Variants in LRRN2 observed in about 807,000 individuals in gnomAD.
LRRN2 encodes leucine-rich repeat neuronal protein 2.
A neutral mutation model predicts 35.7 loss-of-function variants in LRRN2; 10 were observed. That is an observed-to-expected ratio of 0.28 (90% CI 0.17 to 0.47). LRRN2 has a LOEUF of 0.47. LRRN2 is among the 20% of genes least tolerant of loss of function. LRRN2 has a pLI of 0.99. For synonymous variants in LRRN2, 391 were observed against 409.6 expected, an observed-to-expected ratio of 0.95 and a Z score of 0.55; for missense variants, 731 against 940.3, an observed-to-expected ratio of 0.78 and a Z score of 2.91.
At chr1:204,624,652 C>T (rs1041875644) in intron 1 of LRRN2, among the ~76,000 whole-genome samples, 1 of 152,162 alleles carries the variant, frequency 6.6e-6, no homozygotes, top group Non-Finnish European at 1.5e-5. Flanking sequence ...GCTTCTCAGG[C>T]CCCCGGCCCC....
intron 1 of LRRN2, among the ~76,000 whole-genome samples, chr1:204,656,628 C>T (rs1411773210): frequency 6.6e-6 from 1 of 152,192 alleles, no homozygotes; most frequent in African/African-American, 2.4e-5. Context: ...ATTGAGCCTC[C>T]ATATCTGACA....
intron 1 of LRRN2, among the ~76,000 whole-genome samples, chr1:204,670,545 G>A (rs12139404): frequency 0.016 from 2,420 of 152,210 alleles, 35 homozygotes; most frequent in Non-Finnish European, 0.023. Flanking sequence ...AACGGAAGCC[G>A]TTCGTGTGGC....
At chr1:204,622,431 T>C (rs1044684828) in intron 1 of LRRN2, among the ~76,000 whole-genome samples, 1 of 152,168 alleles carries the variant, frequency 6.6e-6, no homozygotes, top group Admixed American at 6.5e-5. Flanking sequence ...CTTCCCACTT[T>C]CCTCTGCAGC....
Position 204,617,870 on chromosome 1 carries a change from G to T in LRRN2, c.2123C>A (p.Pro708Gln). The T allele has an allele frequency of 6.2e-7, 1 of 1,614,044 alleles. No individual in the cohort carries two copies. The highest frequency in any genetic ancestry group is 1.1e-5 in the South Asian group (1 of 91,076). The change falls in exon 2 of 2, where the codon CCA becomes CAA. Residue 708 changes from proline to glutamine, a missense_variant. Pro to Gln is a moderately conservative substitution (Grantham distance 76). Transcript: ENST00000367177. ...TGAGCTTCAAGAATTTTGAGACAATGGTGGCAACAGTGTCTCCCCTTCTGA... is the reference window on the plus strand; with the variant it reads ...TGAGCTTCAAGAATTTTGAGACAATTGTGGCAACAGTGTCTCCCCTTCTGA... Reference protein sequence around the residue: ...RSSEGETLLPPLSQNS With the variant: ...RSSEGETLLPQLSQNS
Position 204,619,789 on chromosome 1 carries a change from G to C in LRRN2, c.204C>G (p.Pro68=). 1 of 1,614,174 alleles carries C rather than the reference G, an allele frequency of 6.2e-7. No individual in the cohort carries two copies. The highest frequency in any genetic ancestry group is 8.5e-7 in the Non-Finnish European group (1 of 1,180,016). Residue 68 remains proline (P), a synonymous_variant, in exon 2 of 2, where the codon CCC becomes CCG. Transcript: ENST00000367177. ...LFLTAVPPAL[P]AGTQTLLLQS... ...GCAGGAGCAGGGTCTGTGTGCCTGC[G>C]GGGAGTGCCGGGGGGACTGCCGTCA...
intron 1 of LRRN2, among the ~76,000 whole-genome samples, chr1:204,654,186 C>T (rs776956188): frequency 1.7e-4 from 26 of 152,148 alleles, no homozygotes; most frequent in Non-Finnish European, 2.9e-4. Context: ...CTTGTAAGTA[C>T]ATGATATACT....
At chr1:204,631,261 T>TA (rs1294658657) in intron 1 of LRRN2, among the ~76,000 whole-genome samples, 973 of 37,276 alleles carry the variant, frequency 0.026, 176 homozygotes, top group Non-Finnish European at 0.034. Flanking sequence ...GTGTTCTATA[T>TA]ATATATATAT....
intron 1 of LRRN2, chr1:204,628,733 C>G (rs78607420): frequency 6.6e-6 from 1 of 152,148 alleles, no homozygotes; most frequent in Non-Finnish European, 1.5e-5. Context: ...AGTCTCCAAC[C>G]GGGGTCCTAG....
intron 1 of LRRN2, among the ~76,000 whole-genome samples, chr1:204,650,580 A>C (rs1668200649): frequency 6.6e-6 from 1 of 152,074 alleles, no homozygotes; most frequent in African/African-American, 2.4e-5. Flanking sequence ...GGCATCCAGG[A>C]GGGGTTGCTT....
intron 1 of LRRN2, among the ~76,000 whole-genome samples, chr1:204,648,167 G>C (rs758849558): frequency 6.6e-6 from 1 of 152,214 alleles, no homozygotes; most frequent in Non-Finnish European, 1.5e-5. Context: ...GTTGGAACAG[G>C]ATGGGCTGGG....
At chr1:204,655,264 A>C (rs1285957642) in intron 1 of LRRN2, among the ~76,000 whole-genome samples, 1 of 152,136 alleles carries the variant, frequency 6.6e-6, no homozygotes, top group Non-Finnish European at 1.5e-5. Context: ...GGTCTCACCA[A>C]ATTTATGCTC....
chr1:204,655,949 G>A (rs61817518), intron 1 of LRRN2, among the ~76,000 whole-genome samples: 27,475 of 151,742 alleles, frequency 0.18, 2,947 homozygotes, highest in East Asian at 0.48. Context: ...TCGCTCTGTC[G>A]CCCAGGCTGG....
chr1:204,652,850 G>A (rs1250697606), intron 1 of LRRN2, among the ~76,000 whole-genome samples: 1 of 152,206 alleles, frequency 6.6e-6, no homozygotes, highest in Non-Finnish European at 1.5e-5. Context: ...GCTAGCCCAG[G>A]GCAGTCCTGC....
chr1:204,668,199 T>TG (rs1668629778), intron 1 of LRRN2, among the ~76,000 whole-genome samples: 1 of 152,054 alleles, frequency 6.6e-6, no homozygotes, highest in East Asian at 1.9e-4. Flanking sequence ...CCCCTGTGGG[T>TG]GGTGGTGTTT....
chr1:204,667,417 A>G (rs1668597141), intron 1 of LRRN2, among the ~76,000 whole-genome samples: 2 of 152,334 alleles, frequency 1.3e-5, no homozygotes, highest in South Asian at 4.1e-4. Flanking sequence ...GGTGCAAAAC[A>G]TACATCATAT....
intron 1 of LRRN2, among the ~76,000 whole-genome samples, chr1:204,623,099 C>T (rs1040267610): frequency 8.6e-5 from 13 of 152,032 alleles, no homozygotes; most frequent in African/African-American, 2.7e-4. Context: ...GAGGCAGGTT[C>T]AAAAACACGA....
intron 1 of LRRN2, among the ~76,000 whole-genome samples, chr1:204,641,951 C>A (rs1034723144): frequency 4.6e-5 from 7 of 152,222 alleles, no homozygotes; most frequent in Admixed American, 1.3e-4. Context: ...CTCTCTGCAG[C>A]CAGGGCTGCA....
In LRRN2 at chr1:204,666,617, C is replaced by T. The variant is rs548258930; in HGVS notation, c.-227+18703G>A. Among the ~76,000 whole-genome samples, 4 of 152,300 alleles carry T rather than the reference C, an allele frequency of 2.6e-5. No homozygotes were observed. The South Asian group carries it at 8.3e-4, about 32-fold the overall frequency. On this transcript the variant is annotated intron_variant, in intron 1 of 1. Transcript: ENST00000367177. The stretch of plus-strand genomic sequence containing the variant: ...ATGGTGACAAAAAAGAACAAACTAA[C>T]TACTGATATAGGCAACTACTTGGAT...
At chr1:204,628,699 A>G (rs902063766) in intron 1 of LRRN2, 3 of 152,126 alleles carry the variant, frequency 2.0e-5, no homozygotes, top group Non-Finnish European at 4.4e-5. Context: ...GCCCTGTCCG[A>G]TGTCAACTAT....
Sources: allele counts gnomAD v4.1 joint callset (sites outside exome capture counted in the v4.1 genomes callset), GRCh38; gene constraint gnomAD v4.1.1; transcripts MANE v1.5; gene names NCBI Gene and HGNC (gene_info 2026-07-23, HGNC 2026-07-21).